Variants in DIPK2A observed in about 807,000 individuals in gnomAD.
DIPK2A encodes the protein Golgi Protein of 49 kDa.
DIPK2A carries 27 observed loss-of-function variants against 39.0 expected under a neutral mutation model. The ratio of observed to expected loss-of-function variants is 0.69; its 90% CI spans 0.51 to 0.96. DIPK2A has a LOEUF of 0.96. DIPK2A is among the 40% of genes least tolerant of loss of function. The pLI, the probability that DIPK2A is intolerant of heterozygous loss-of-function variation, is 0.00. For synonymous variants in DIPK2A, 298 were observed against 240.8 expected, an observed-to-expected ratio of 1.24 and a Z score of -2.20; for missense variants, 528 against 571.3, an observed-to-expected ratio of 0.92 and a Z score of 0.77.
At chr3:143,977,351 C>T (rs1034251357) in intron 1 of DIPK2A, among the ~76,000 whole-genome samples, 2 of 151,558 alleles carry the variant, frequency 1.3e-5, no homozygotes, top group Non-Finnish European at 2.9e-5. Flanking sequence ...TTGTTGTTTT[C>T]TTTTGAACTT....
At chr3:143,986,108 C>A in intron 2 of DIPK2A, 1 of 415,974 alleles carries the variant, frequency 2.4e-6, no homozygotes, top group Non-Finnish European at 4.3e-6. Flanking sequence ...CTTAGTCTTG[C>A]CTACCTTAGA....
At chr3:143,975,475 CA>C (rs958618247) in intron 1 of DIPK2A, among the ~76,000 whole-genome samples, 32 of 151,976 alleles carry the variant, frequency 2.1e-4, no homozygotes, top group African/African-American at 7.7e-4. Context: ...ATAAAACCAC[CA>C]AAATGAAAGG....
At chr3:143,983,909 A>G (rs1280246716) in intron 1 of DIPK2A, among the ~76,000 whole-genome samples, 2 of 151,676 alleles carry the variant, frequency 1.3e-5, no homozygotes, top group Non-Finnish European at 2.9e-5. Context: ...TTTCATCTAC[A>G]TTGAAAATCT....
chr3:143,982,254 A>G lies in DIPK2A; in HGVS notation c.658-3289A>G, dbSNP rs76805386. Among the ~76,000 whole-genome samples the G allele has an allele frequency of 9.4e-3, 1,434 of 152,232 alleles. 9 individuals are homozygous for G. The highest frequency in any genetic ancestry group is 0.012 in the Non-Finnish European group (808 of 68,006). Reference sequence around the variant, plus strand: ...CTCTAATTTAGTGGTTCTTCACTCTATTTGGAAGGGGGTTCATTATTTGTA... The same window carrying G: ...CTCTAATTTAGTGGTTCTTCACTCTGTTTGGAAGGGGGTTCATTATTTGTA... On this transcript the variant is annotated intron_variant, in intron 1 of 2. Transcript: ENST00000315691.
intron 2 of DIPK2A, among the ~76,000 whole-genome samples, chr3:143,986,767 T>C (rs1404591203): frequency 6.8e-6 from 1 of 147,974 alleles, no homozygotes; most frequent in South Asian, 2.2e-4. Context: ...TTAAATGCCA[T>C]AGAAGTTGTA....
At position 143,972,715 on chromosome 3, in the gene DIPK2A, G is replaced by T; in HGVS notation, c.383G>T (p.Arg128Leu). 2 of 1,598,954 alleles carry T rather than the reference G, an allele frequency of 1.3e-6. No individual in the cohort carries two copies. The highest frequency in any genetic ancestry group is 1.7e-6 in the Non-Finnish European group (2 of 1,174,482). ...LAQLDQSICK[R>L]ATGRPRCDLL... is the part of the protein sequence containing the mutation. ...CAGCTCGACCAGAGCATCTGCAAGC[G>T]GGCCACCGGCCGGCCCCGCTGCGAC... Residue 128 changes from arginine (R) to leucine (L), a missense_variant, in exon 1 of 3, where the codon CGG becomes CTG. By Grantham distance (102) the Arg-to-Leu change is moderately radical (BLOSUM62 -2). Transcript: ENST00000315691.
intron 2 of DIPK2A, 101 bp downstream of exon 2, chr3:143,985,947 C>A: frequency 1.1e-6 from 1 of 880,582 alleles, no homozygotes; most frequent in Non-Finnish European, 1.7e-6. Context: ...CCTTAGATGG[C>A]AACTTTAAGC....
chr3:143,972,026 C>A lies in DIPK2A; in HGVS notation c.-307C>A. On this transcript the variant is annotated 5_prime_UTR_variant, in exon 1 of 3. Coordinates refer to ENST00000315691, the MANE Select transcript of DIPK2A (RefSeq NM_173552.5). ...CGACCGTCGGGTCCCCGCGCTCCCT[C>A]CCCCTCCCGCTCCTCTATAACTTGG... 1 of 328,868 alleles carries A rather than the reference C, an allele frequency of 3.0e-6. No homozygotes were observed. The highest frequency in any genetic ancestry group is 5.5e-6 in the Non-Finnish European group (1 of 181,436). The allele number at this position is 328,868 out of a possible 1,614,324, so 20.4% of individuals were successfully genotyped here.
rs759596111 is a variant in DIPK2A at position 143,972,210 on chromosome 3, G to A, written c.-123G>A. The A allele has an allele frequency of 3.5e-4, 316 of 910,596 alleles. No homozygotes were observed. The highest frequency in any genetic ancestry group is 4.5e-4 in the Non-Finnish European group (300 of 665,866). The allele number at this position is 910,596 out of a possible 1,614,324, so 56.4% of individuals were successfully genotyped here. ...CTCTCACACACCTACTCCGCCCTCC[G>A]CCCCAGCCCGCGCGCTAGCTCCTTC... On this transcript the variant is annotated 5_prime_UTR_variant, in exon 1 of 3. Coordinates refer to ENST00000315691, the MANE Select transcript of DIPK2A (RefSeq NM_173552.5).
chr3:143,974,793 T>C (rs1398476071), intron 1 of DIPK2A, among the ~76,000 whole-genome samples: 2 of 152,200 alleles, frequency 1.3e-5, no homozygotes, highest in Non-Finnish European at 2.9e-5. Context: ...GCCAGTTCTT[T>C]TTAAGTGTAG....
chr3:143,973,804 T>A, intron 1 of DIPK2A: 1 of 565,734 alleles, frequency 1.8e-6, no homozygotes, highest in Non-Finnish European at 3.2e-6. Flanking sequence ...CTCGTCTGAC[T>A]GTTTTGAAAA....
At position 143,973,009 on chromosome 3, in the gene DIPK2A, AG is replaced by A; in HGVS notation, c.657+25del. ...CTACAGGTAGGCGCGGAGCCAGGGC[AG>A]GGGGCGTCCTGGGAGGGGCCGCGCG... On this transcript the variant is annotated intron_variant, in intron 1 of 2. Transcript: ENST00000315691. 1 of 1,563,222 alleles carries A rather than the reference AG, an allele frequency of 6.4e-7. No individual in the cohort carries two copies.
intron 1 of DIPK2A, chr3:143,978,643 T>G (rs2087774307): frequency 3.3e-5 from 1 of 30,484 alleles, no homozygotes; most frequent in African/African-American, 2.0e-4. Flanking sequence ...TATATATCTA[T>G]ATATATATAT....
chr3:143,972,256 G>T lies in DIPK2A; in HGVS notation c.-77G>T. ...CCTTCTCTCGCCCGGGGTTCCTGCC[G>T]GTAGCTCTCCGGGTCTTGGCGCGGC... On this transcript the variant is annotated 5_prime_UTR_variant, in exon 1 of 3. Coordinates refer to ENST00000315691, the MANE Select transcript of DIPK2A (RefSeq NM_173552.5). 7.8e-7 allele frequency: 1 copy of T among 1,288,294 alleles called. No homozygotes were observed. The highest frequency in any genetic ancestry group is 9.9e-7 in the Non-Finnish European group (1 of 1,005,740). The allele number at this position is 1,288,294 out of a possible 1,614,324, so 79.8% of individuals were successfully genotyped here.
rs145572899 is a variant in DIPK2A at position 143,985,065 on chromosome 3, A to G, written c.658-478A>G. ...GTGACTGCATGCTCTTCTAAAATAA[A>G]AGCCCATGGCTAAATGGAGACTGTT... On this transcript the variant is annotated intron_variant, in intron 1 of 2. Transcript: ENST00000315691. 1.6e-4 allele frequency among the ~76,000 whole-genome samples: 25 copies of G among 152,330 alleles called. No homozygotes were observed. The East Asian group carries it at 2.5e-3, about 15-fold the overall frequency.
chr3:143,982,646 T>A (rs2087842457), intron 1 of DIPK2A, among the ~76,000 whole-genome samples: 1 of 152,068 alleles, frequency 6.6e-6, no homozygotes, highest in African/African-American at 2.4e-5. Context: ...TGCAAAAACA[T>A]ACCAATTGTA....
chr3:143,988,143 G>A (rs2087931980), intron 2 of DIPK2A, among the ~76,000 whole-genome samples: 3 of 151,456 alleles, frequency 2.0e-5, no homozygotes, highest in Admixed American at 6.6e-5. Context: ...CTGTCACCCA[G>A]GCTGGAGTGC....
intron 2 of DIPK2A, among the ~76,000 whole-genome samples, chr3:143,987,326 C>T (rs980708152): frequency 1.4e-4 from 21 of 152,120 alleles, no homozygotes; most frequent in African/African-American, 5.1e-4. Flanking sequence ...TGCAGACATT[C>T]CTGGAATAAT....
chr3:143,972,150 G>T lies in DIPK2A; in HGVS notation c.-183G>T, dbSNP rs976773123. The T allele has an allele frequency of 2.2e-6, 1 of 457,872 alleles. No individual in the cohort carries two copies. Among genetic ancestry groups the T allele is most frequent in the Admixed American group, 4.3e-5 (1 of 23,164 alleles). 28.4% of individuals were successfully genotyped at this position (457,872 alleles called of 1,614,324 possible). ...TAGTGACTGGGAGAAGTCGCAGCCC[G>T]CTCAGGCCCGCGCCTTCCCGCTCCC... On this transcript the variant is annotated 5_prime_UTR_variant, in exon 1 of 3. Coordinates refer to ENST00000315691, the MANE Select transcript of DIPK2A (RefSeq NM_173552.5).
Sources: gnomAD v4.1 joint callset for allele counts (sites outside exome capture counted in the v4.1 genomes callset) on GRCh38, gnomAD v4.1.1 for gene constraint, MANE v1.5 for transcripts, NCBI Gene and HGNC (gene_info 2026-07-23, HGNC 2026-07-21) for gene names.